The following KIF7 variants were observed in gnomAD, a reference collection of about 807,000 sequenced individuals.
KIF7 encodes kinesin family member 7.
A neutral mutation model predicts 135.7 loss-of-function variants in KIF7; 104 were observed. The ratio of observed to expected loss-of-function variants is 0.77; its 90% CI spans 0.65 to 0.90. KIF7 has a LOEUF of 0.90. KIF7 is among the 40% of genes least tolerant of loss of function. The pLI, the probability that KIF7 is intolerant of heterozygous loss-of-function variation, is 0.00. For synonymous variants in KIF7, 883 were observed against 809.4 expected (o/e 1.09, Z -1.54); for missense variants, 2,005 against 1,839.1 (o/e 1.09, Z -1.65).
intron 11 of KIF7, among the ~76,000 whole-genome samples, chr15:89,638,544 A>G (rs1963857032): frequency 6.8e-6 from 1 of 147,880 alleles, no homozygotes; most frequent in Non-Finnish European, 1.5e-5. Flanking sequence ...CCCATTCACA[A>G]TTGCTTCAAA....
chr15:89,626,868 T>G, downstream of KIF7: 1 of 1,421,980 alleles, frequency 7.0e-7, no homozygotes, highest in Non-Finnish European at 9.7e-7. Context: ...AGTCTGTTTT[T>G]GTGTGTAACC....
At chr15:89,647,367 G>T (rs750244287) in intron 6 of KIF7, among the ~76,000 whole-genome samples, 1 of 152,024 alleles carries the variant, frequency 6.6e-6, no homozygotes, top group Non-Finnish European at 1.5e-5. Flanking sequence ...CCCCTCTCCC[G>T]TCCAAGCTCA....
In KIF7 at chr15:89,628,424, G is replaced by C. The variant is rs1278824560; in HGVS notation, c.4027C>G (p.Leu1343Val). ...PGMIDVRKNP[L>V] Reference sequence around the variant, plus strand: ...GCAGGGTCTGCCCCGAGGGCTTACAGGGGGTTTTTCCGGACATCAATCATC... The same window carrying C: ...GCAGGGTCTGCCCCGAGGGCTTACACGGGGTTTTTCCGGACATCAATCATC... The change falls in exon 19 of 19, where the codon CTG becomes GTG. Residue 1343 changes from leucine (L) to valine (V), a missense_variant. Physicochemically the swap from Leu to Val is conservative, Grantham distance 32. Transcript: ENST00000394412. 6.2e-7 allele frequency: 1 copy of C among 1,605,436 alleles called. No individual in the cohort carries two copies. The highest frequency in any genetic ancestry group is 8.5e-7 in the Non-Finnish European group (1 of 1,175,792).
At chr15:89,633,017 A>AGGGAGGGAGGGAGGGT in intron 13 of KIF7, 21 bp from the exon 14 acceptor site, 1 of 755,734 alleles carries the variant, frequency 1.3e-6, no homozygotes, top group Non-Finnish European at 2.2e-6. Context: ...GTAGGGAGGG[A>AGGGAGGGAGGGAGGGT]GGGAGGGAAC....
chr15:89,642,860 C>T (rs1046210832), intron 10 of KIF7, among the ~76,000 whole-genome samples: 5 of 152,238 alleles, frequency 3.3e-5, no homozygotes, highest in Admixed American at 1.3e-4. Flanking sequence ...TGAGCCACCG[C>T]GCCCAGCCTC....
chr15:89,637,689 AC>A (rs1357548152), intron 11 of KIF7, among the ~76,000 whole-genome samples: 1 of 141,292 alleles, frequency 7.1e-6, no homozygotes, highest in Non-Finnish European at 1.6e-5. Flanking sequence ...TAGCTTACCA[AC>A]CAAAAAAAGT....
At chr15:89,647,789 CCTG>C in intron 5 of KIF7, 77 bp from the exon 6 acceptor site, 2 of 1,128,600 alleles carry the variant, frequency 1.8e-6, no homozygotes, top group Non-Finnish European at 2.5e-6. Flanking sequence ...CTTGTTTAGC[CCTG>C]CTTTCTATCT....
At chr15:89,661,548 A>G in the KIF7 span, among the ~76,000 whole-genome samples, 1 of 152,094 alleles carries the variant, frequency 6.6e-6, no homozygotes. Context: ...GAAGGGTCCA[A>G]TAGTATATCC....
Position 89,633,783 on chromosome 15 carries a change from C to A in KIF7, c.2495G>T (p.Arg832Leu), listed in dbSNP as rs371841682. ...QELERNVQLMRQQQGQLQRRL... is the reference protein window; with the variant it reads ...QELERNVQLMLQQQGQLQRRL... ...CCTCTGCAGCTGTCCCTGCTGCTGC[C>A]GCATGAGCTGCACGTTCCGCTCGAG... Residue 832 changes from arginine to leucine, a missense_variant, in exon 12 of 19, where the codon CGG becomes CTG. Physicochemically the swap from Arg to Leu is moderately radical, Grantham distance 102. Transcript: ENST00000394412. 4.3e-6 allele frequency: 7 copies of A among 1,611,814 alleles called. No homozygotes were observed. Among genetic ancestry groups the A allele is most frequent in the Non-Finnish European group, 5.9e-6 (7 of 1,180,004 alleles).
chr15:89,626,135 C>G (rs532530068), downstream of KIF7: 202 of 1,571,364 alleles, frequency 1.3e-4, no homozygotes, highest in Non-Finnish European at 1.7e-4. Flanking sequence ...CCAGGCAGCT[C>G]GATTCTAGAG....
chr15:89,633,439 C>T (rs1224346593), intron 12 of KIF7, among the ~76,000 whole-genome samples, 173 bp from the exon 13 acceptor site: 1 of 152,234 alleles, frequency 6.6e-6, no homozygotes, highest in East Asian at 1.9e-4. Context: ...TAGACGCAAA[C>T]ACTTAGAAAT....
intron 15 of KIF7, 143 bp downstream of exon 15, chr15:89,631,352 C>T (rs1596066442): frequency 2.7e-6 from 2 of 743,670 alleles, no homozygotes; most frequent in Admixed American, 2.6e-5. Flanking sequence ...CCTCCCCAGC[C>T]CCCACCTCCA....
Position 89,652,628 on chromosome 15 carries a change from T to C in KIF7, c.303A>G (p.Thr101=), listed in dbSNP as rs2142036201. ...CCACACTGGCCTCCCCCATGGTGTATGTCTTCCCTGAGCCCGTCTGACCAT... is the reference window on the plus strand; with the variant it reads ...CCACACTGGCCTCCCCCATGGTGTACGTCTTCCCTGAGCCCGTCTGACCAT... The part of the protein sequence containing the change: ...FAYGQTGSGK[T]YTMGEASVAS... The change falls in exon 2 of 19, where the codon ACA becomes ACG. Residue 101 remains threonine (T), a synonymous_variant. Transcript: ENST00000394412. 6.5e-7 allele frequency: 1 copy of C among 1,539,812 alleles called. No homozygotes were observed. The highest frequency in any genetic ancestry group is 8.8e-7 in the Non-Finnish European group (1 of 1,138,042).
intron 15 of KIF7, chr15:89,630,913 A>T (rs1273083849): frequency 1.8e-5 from 6 of 335,886 alleles, no homozygotes; most frequent in Non-Finnish European, 3.5e-5. Context: ...CCTAGATGGT[A>T]TAGCCCACCA....
upstream of KIF7, among the ~76,000 whole-genome samples, chr15:89,657,328 A>AAAAAAAAAG (rs533315174): frequency 5.5e-5 from 7 of 127,920 alleles, 1 homozygote; most frequent in Non-Finnish European, 7.9e-5. Flanking sequence ...AAAAAAAAAA[A>AAAAAAAAAG]AGAGAGAGAG....
intron 6 of KIF7, among the ~76,000 whole-genome samples, 190 bp downstream of exon 6, chr15:89,647,406 C>G (rs1277437758): frequency 6.6e-6 from 1 of 152,110 alleles, no homozygotes; most frequent in Non-Finnish European, 1.5e-5. Flanking sequence ...CCCTGCCTGG[C>G]GGTCCTGCAC....
At chr15:89,624,355 G>A (rs563445652), downstream of KIF7, 46 of 1,614,114 alleles carry the variant, frequency 2.8e-5, no homozygotes, top group Middle Eastern at 8.2e-4. Flanking sequence ...GTCACCCAGC[G>A]TAGCTGCATC....
chr15:89,648,308 T>C lies in KIF7; in HGVS notation c.1390A>G (p.Ile464Val), dbSNP rs570856269. The change falls in exon 5 of 19, where the codon ATC (isoleucine) becomes GTC (valine). Residue 464 changes from isoleucine (I) to valine (V), a missense_variant. By Grantham distance (29) the Ile-to-Val change is conservative. Transcript: ENST00000394412. ...TGGTCCTCGACGGAGGCGCTCTCGA[T>C]GCCGCTATCGGGCCCGGAGGCGGAG... Reference protein sequence around the residue: ...LSSASGPDSGIESASVEDQAA... With the variant: ...LSSASGPDSGVESASVEDQAA... 418 of 1,516,600 alleles carry C rather than the reference T, an allele frequency of 2.8e-4. 2 individuals are homozygous for C. The highest frequency in any genetic ancestry group is 2.4e-3 in the South Asian group (196 of 83,236). The allele number at this position is 1,516,600 out of a possible 1,614,324, so 93.9% of individuals were successfully genotyped here. A position where few individuals can be genotyped will look rare whatever the true frequency, so the allele number is the denominator to read the frequency against.
downstream of KIF7, chr15:89,624,038 C>G: frequency 6.2e-7 from 1 of 1,613,980 alleles, no homozygotes; most frequent in Non-Finnish European, 8.5e-7. Flanking sequence ...TGTCTCACTC[C>G]CATCAGAGAC....
Sources: gnomAD v4.1 joint callset for allele counts (sites outside exome capture counted in the v4.1 genomes callset) on GRCh38, gnomAD v4.1.1 for gene constraint, MANE v1.5 for transcripts, NCBI Gene and HGNC (gene_info 2026-07-23, HGNC 2026-07-21) for gene names.